DDX4: variants seen among roughly 807,000 people sequenced by gnomAD.
The protein encoded by DDX4 is DEAD-box helicase 4.
In DDX4, 25 loss-of-function variants were observed where a neutral mutation model predicts 100.0. The observed-to-expected ratio is 0.25, with a 90% CI of 0.18 to 0.35. The LOEUF is 0.35. Among genes scored for constraint, DDX4 ranks in the 10% least tolerant of loss-of-function variants. DDX4 has a pLI of 1.00. For missense variants in DDX4, 635 were observed against 882.4 expected, an observed-to-expected ratio of 0.72 and a Z score of 3.55; for synonymous variants, 259 against 275.7, an observed-to-expected ratio of 0.94 and a Z score of 0.60.
intron 10 of DDX4, among the ~76,000 whole-genome samples, chr5:55,784,725 T>C (rs905301074): frequency 6.6e-6 from 1 of 152,248 alleles, no homozygotes; most frequent in Admixed American, 6.5e-5. Flanking sequence ...CCCTGGGTAC[T>C]GAGTCTCTAA....
At chr5:55,760,159 T>A (rs373778179) in intron 3 of DDX4, 41 bp from the exon 4 acceptor site, 393 of 1,554,750 alleles carry the variant, frequency 2.5e-4, no homozygotes, top group Non-Finnish European at 2.1e-4. Flanking sequence ...TACTAGATAC[T>A]TGTTTTTATT....
chr5:55,816,488 G>T lies in DDX4; in HGVS notation c.2123G>T (p.Gly708Val), dbSNP rs1353156456. ...RKGKSTLNTAGFSSSQAPNPV... is the reference protein window; with the variant it reads ...RKGKSTLNTAVFSSSQAPNPV... Reference sequence around the variant, plus strand: ...GGCAAGAGCACTTTGAACACAGCTGGGTTTTCTTCTTCACAAGCTCCCAAT... The same window carrying T: ...GGCAAGAGCACTTTGAACACAGCTGTGTTTTCTTCTTCACAAGCTCCCAAT... The change falls in exon 22 of 22, where the codon GGG becomes GTG. Residue 708 changes from glycine (G) to valine (V), a missense_variant. Gly to Val is a moderately radical substitution (Grantham distance 109, BLOSUM62 -3). Around this residue, in one of 4 missense-constraint regions of DDX4, gnomAD observed 73 missense variants for 98.5 expected, o/e 0.74. Transcript: ENST00000505374. 1.2e-6 allele frequency: 2 copies of T among 1,611,276 alleles called. No individual in the cohort carries two copies. The highest frequency in any genetic ancestry group is 1.3e-5 in the African/African-American group (1 of 74,550).
At chr5:55,796,203 C>T (rs927172191) in intron 17 of DDX4, among the ~76,000 whole-genome samples, 1 of 152,190 alleles carries the variant, frequency 6.6e-6, no homozygotes, top group Admixed American at 6.5e-5. Context: ...TGAGGGTGGG[C>T]CTTCTTCTCC....
In DDX4 at chr5:55,792,658, C is replaced by T. The variant is rs201103498; in HGVS notation, c.1320C>T (p.Ile440=). 6.3e-7 allele frequency: 1 copy of T among 1,582,522 alleles called. No individual in the cohort carries two copies. The highest frequency in any genetic ancestry group is 8.6e-7 in the Non-Finnish European group (1 of 1,161,658). ...IGKEKIGLKQ[I]KYLVLDEADR... is the part of the protein sequence containing the mutation. ...CCTTAAAGATTGGTCTCAAACAGAT[C>T]AAATACTTAGTTTTGGATGAAGCTG... Residue 440 remains isoleucine, a synonymous_variant, in exon 17 of 22, where the codon ATC becomes ATT. Coordinates refer to ENST00000505374, the MANE Select transcript of DDX4 (RefSeq NM_024415.3).
At chr5:55,761,122 T>C (rs1020789456) in intron 4 of DDX4, among the ~76,000 whole-genome samples, 2 of 152,180 alleles carry the variant, frequency 1.3e-5, no homozygotes, top group African/African-American at 4.8e-5. Flanking sequence ...ATTTGAGTTT[T>C]ATATTTTGAC....
At chr5:55,746,379 C>G (rs1377814613) in intron 3 of DDX4, among the ~76,000 whole-genome samples, 158 bp downstream of exon 3, 1 of 152,032 alleles carries the variant, frequency 6.6e-6, no homozygotes, top group African/African-American at 2.4e-5. Context: ...GGGGGTACTT[C>G]TAGTTAGAGG....
At chr5:55,762,692 G>A (rs560650577) in intron 4 of DDX4, among the ~76,000 whole-genome samples, 2 of 152,196 alleles carry the variant, frequency 1.3e-5, no homozygotes, top group African/African-American at 4.8e-5. Context: ...GCCAGGAGGG[G>A]AGTGGTAGTC....
chr5:55,812,587 C>G (rs762460367), intron 18 of DDX4, among the ~76,000 whole-genome samples: 12 of 150,696 alleles, frequency 8.0e-5, no homozygotes, highest in Admixed American at 2.6e-4. Flanking sequence ...AGCGAGACTG[C>G]GTCTCAAAAA....
intron 7 of DDX4, among the ~76,000 whole-genome samples, chr5:55,777,063 G>A (rs189862696): frequency 1.3e-5 from 2 of 152,202 alleles, no homozygotes; most frequent in African/African-American, 4.8e-5. Flanking sequence ...TGCTGATGGA[G>A]GAAATCCAAT....
intron 5 of DDX4, among the ~76,000 whole-genome samples, chr5:55,763,585 C>G (rs1740704524): frequency 6.6e-6 from 1 of 151,986 alleles, no homozygotes; most frequent in Non-Finnish European, 1.5e-5. Context: ...AAGAAGCTAA[C>G]AAGATTTTCA....
In DDX4 at chr5:55,816,575, C is replaced by T. The variant is rs901023469; in HGVS notation, c.*35C>T. Reference sequence around the variant, plus strand: ...ATCCTTCAAGTCTGTGGTTTTGATGCAGAGAAGAAAATAGTTTTGATTTTT... The same window carrying T: ...ATCCTTCAAGTCTGTGGTTTTGATGTAGAGAAGAAAATAGTTTTGATTTTT... On this transcript the variant is annotated 3_prime_UTR_variant, in exon 22 of 22. Transcript: ENST00000505374. 5.6e-6 allele frequency: 9 copies of T among 1,599,972 alleles called. No individual in the cohort carries two copies. Among genetic ancestry groups the T allele is most frequent in the Non-Finnish European group, 7.7e-6 (9 of 1,174,212 alleles).
chr5:55,773,407 A>T (rs1741370286), intron 7 of DDX4, among the ~76,000 whole-genome samples: 1 of 152,134 alleles, frequency 6.6e-6, no homozygotes, highest in Admixed American at 6.5e-5. Context: ...TGGAGTATAT[A>T]CTTAGGAGTG....
intron 18 of DDX4, among the ~76,000 whole-genome samples, chr5:55,806,212 C>T (rs1262365813): frequency 6.6e-6 from 1 of 152,080 alleles, no homozygotes; most frequent in African/African-American, 2.4e-5. Flanking sequence ...ATTCTTCTCT[C>T]TTTTCTTCTT....
chr5:55,779,332 T>G (rs1741766033), intron 7 of DDX4, among the ~76,000 whole-genome samples: 1 of 152,218 alleles, frequency 6.6e-6, no homozygotes, highest in African/African-American at 2.4e-5. Context: ...TTTATCTTTA[T>G]TCATCATTCT....
chr5:55,816,827 T>G lies in DDX4; in HGVS notation c.*287T>G. On this transcript the variant is annotated 3_prime_UTR_variant, in exon 22 of 22. Coordinates refer to ENST00000505374, the MANE Select transcript of DDX4 (RefSeq NM_024415.3). ...AGGGGGCTTAGACATGTTTAATGTTTAAATGCCAAGTCTTACTATAGTGTT... is the reference window on the plus strand; with the variant it reads ...AGGGGGCTTAGACATGTTTAATGTTGAAATGCCAAGTCTTACTATAGTGTT... 3.0e-6 allele frequency: 1 copy of G among 331,776 alleles called. No individual in the cohort carries two copies. Among genetic ancestry groups the G allele is most frequent in the South Asian group, 7.9e-5 (1 of 12,712 alleles). The allele number at this position is 331,776 out of a possible 1,614,324, so 20.6% of individuals were successfully genotyped here.
At chr5:55,810,200 G>A (rs1024059557) in intron 18 of DDX4, among the ~76,000 whole-genome samples, 1 of 152,060 alleles carries the variant, frequency 6.6e-6, no homozygotes, top group Non-Finnish European at 1.5e-5. Flanking sequence ...TGTCTCCTGG[G>A]TTCAAGCGAT....
intron 18 of DDX4, among the ~76,000 whole-genome samples, chr5:55,799,755 T>G (rs2112109659): frequency 6.6e-6 from 1 of 152,322 alleles, no homozygotes; most frequent in Middle Eastern, 3.4e-3. Context: ...ATTTTAAATA[T>G]GTTCATTTTA....
intron 7 of DDX4, among the ~76,000 whole-genome samples, chr5:55,776,420 T>C (rs1460199305): frequency 6.6e-6 from 1 of 152,106 alleles, no homozygotes; most frequent in Non-Finnish European, 1.5e-5. Context: ...TTTCCAGAGT[T>C]AGAGAGGCAC....
chr5:55,774,947 T>G (rs2111922133), intron 7 of DDX4, among the ~76,000 whole-genome samples: 1 of 152,338 alleles, frequency 6.6e-6, no homozygotes, highest in East Asian at 1.9e-4. Context: ...TTTTTGGCAT[T>G]AAGTGCACAG....
Sources: allele counts gnomAD v4.1 joint callset (sites outside exome capture counted in the v4.1 genomes callset), GRCh38; gene constraint gnomAD v4.1.1; regional missense constraint gnomAD v4.1.1; transcripts MANE v1.5; gene names NCBI Gene and HGNC (gene_info 2026-07-23, HGNC 2026-07-21).